PCP4: variants seen among roughly 807,000 people sequenced by gnomAD.
PCP4 encodes the protein calmodulin regulator protein PCP4.
Under a neutral mutation model 10.0 loss-of-function variants are expected in PCP4, and 8 were observed. The ratio of observed to expected loss-of-function variants is 0.80; its 90% CI spans 0.47 to 1.45. The LOEUF (loss-of-function observed/expected upper bound fraction) is 1.45. Among genes scored for constraint, PCP4 ranks in the 40% most tolerant of loss-of-function variants. PCP4 has a pLI of 0.00. For synonymous variants in PCP4, 21 were observed against 23.0 expected (o/e 0.91, Z 0.24); for missense variants, 54 against 74.4 (o/e 0.73, Z 1.01).
chr21:39,871,032 C>G (rs1014843705), intron 1 of PCP4, among the ~76,000 whole-genome samples: 9 of 152,180 alleles, frequency 5.9e-5, no homozygotes, highest in Non-Finnish European at 1.0e-4. Flanking sequence ...AAACAGAATC[C>G]ATGTCGAACT....
chr21:39,896,607 C>A (rs754463240), intron 1 of PCP4, among the ~76,000 whole-genome samples: 4 of 152,140 alleles, frequency 2.6e-5, no homozygotes, highest in Admixed American at 6.6e-5. Context: ...AAGTGGGAAG[C>A]TTTACTTTGC....
chr21:39,894,746 T>C (rs756534527), intron 1 of PCP4, among the ~76,000 whole-genome samples: 6 of 152,208 alleles, frequency 3.9e-5, no homozygotes, highest in Non-Finnish European at 5.9e-5. Flanking sequence ...TAAATAATAC[T>C]TTTGAACTAT....
At chr21:39,924,993 T>A (rs1037337115) in intron 2 of PCP4, among the ~76,000 whole-genome samples, 1 of 152,196 alleles carries the variant, frequency 6.6e-6, no homozygotes, top group Non-Finnish European at 1.5e-5. Flanking sequence ...GGTACACCTG[T>A]GCCTTCCTCT....
intron 2 of PCP4, among the ~76,000 whole-genome samples, chr21:39,921,143 A>T (rs2299792): frequency 0.88 from 133,707 of 152,244 alleles, 58,956 homozygotes; most frequent in Middle Eastern, 0.95. Flanking sequence ...TCCCCCAGAC[A>T]GCCTGGTAAA....
rs117170000 is a variant in PCP4 at position 39,913,613 on chromosome 21, G to A, written c.61+15086G>A. Among the ~76,000 whole-genome samples the A allele has an allele frequency of 9.6e-3, 1,468 of 152,244 alleles. 8 individuals carry two copies. Among genetic ancestry groups the A allele is most frequent in the Middle Eastern group, 0.024 (7 of 294 alleles). ...GCGTGAAAAGTGTAGAGCATGAAAC[G>A]AAACACAGGACCCATGACTGAATGG... On this transcript the variant is annotated intron_variant, in intron 2 of 2. Transcript: ENST00000328619.
intron 1 of PCP4, among the ~76,000 whole-genome samples, chr21:39,881,377 A>G (rs1308892871): frequency 6.6e-6 from 1 of 152,218 alleles, no homozygotes; most frequent in Non-Finnish European, 1.5e-5. Context: ...ACAACAGGTC[A>G]TTGCGGGAAC....
chr21:39,886,244 A>G (rs1442757319), intron 1 of PCP4, among the ~76,000 whole-genome samples: 2 of 152,174 alleles, frequency 1.3e-5, no homozygotes, highest in African/African-American at 4.8e-5. Context: ...GCTCTGCCCA[A>G]TGTCAAGGAC....
chr21:39,876,465 T>G (rs547164477), intron 1 of PCP4, among the ~76,000 whole-genome samples: 26 of 152,338 alleles, frequency 1.7e-4, no homozygotes, highest in African/African-American at 6.0e-4. Context: ...TAAAAGCCAC[T>G]TACCTACTGT....
At position 39,881,969 on chromosome 21, in the gene PCP4, C is replaced by G. The variant is rs1226767089; in HGVS notation, c.9+14459C>G. Among the ~76,000 whole-genome samples the G allele has an allele frequency of 6.6e-5, 10 of 152,336 alleles. No homozygotes were observed. The South Asian group carries it at 1.0e-3, about 16-fold the overall frequency. On this transcript the variant is annotated intron_variant, in intron 1 of 2. Coordinates refer to ENST00000328619, the MANE Select transcript of PCP4 (RefSeq NM_006198.3). ...CATAATCCTAAGCCTCTCTGTGTCT[C>G]AAGTTTTCTCTCCATCCAGTCGGGA...
chr21:39,904,116 A>G (rs1034584923), intron 2 of PCP4, among the ~76,000 whole-genome samples: 5 of 152,188 alleles, frequency 3.3e-5, no homozygotes, highest in Non-Finnish European at 7.3e-5. Flanking sequence ...AGAGGTCCCA[A>G]GAAGGACTTG....
chr21:39,882,614 A>G (rs777643566), intron 1 of PCP4, among the ~76,000 whole-genome samples: 1 of 152,210 alleles, frequency 6.6e-6, no homozygotes, highest in African/African-American at 2.4e-5. Flanking sequence ...GAAGAACCAC[A>G]TCATCCTCGG....
At chr21:39,922,717 T>G (rs1352297966) in intron 2 of PCP4, among the ~76,000 whole-genome samples, 1 of 152,178 alleles carries the variant, frequency 6.6e-6, no homozygotes, top group East Asian at 1.9e-4. Context: ...CTACACTGTT[T>G]GTTGAGAAAG....
Position 39,891,905 on chromosome 21 carries a change from G to A in PCP4, c.10-6571G>A, listed in dbSNP as rs577598527. ...AACTTCAAAGAGGAACCAGGAGTAC[G>A]GGAGGAGCATGAAAGTGGACAAGGA... On this transcript the variant is annotated intron_variant, in intron 1 of 2. Coordinates refer to ENST00000328619, the MANE Select transcript of PCP4 (RefSeq NM_006198.3). Among the ~76,000 whole-genome samples, 8 of 152,330 alleles carry A rather than the reference G, an allele frequency of 5.3e-5. No homozygotes were observed. The South Asian group carries it at 1.0e-3, about 20-fold the overall frequency.
intron 1 of PCP4, among the ~76,000 whole-genome samples, chr21:39,875,224 T>G (rs1296828791): frequency 6.6e-6 from 1 of 151,306 alleles, no homozygotes; most frequent in East Asian, 2.0e-4. Context: ...CTAATTGTAT[T>G]TAGGGTTTTC....
chr21:39,911,108 C>T (rs900789525), intron 2 of PCP4, among the ~76,000 whole-genome samples: 4 of 151,796 alleles, frequency 2.6e-5, no homozygotes, highest in African/African-American at 7.3e-5. Context: ...AAGGGGATAT[C>T]GCACATGAGT....
At chr21:39,910,753 GT>G (rs1233276086) in intron 2 of PCP4, among the ~76,000 whole-genome samples, 4 of 152,252 alleles carry the variant, frequency 2.6e-5, no homozygotes, top group South Asian at 2.1e-4. Flanking sequence ...TTTGCTGACT[GT>G]TTTTAGGGTC....
At chr21:39,916,663 T>C (rs2087569935) in intron 2 of PCP4, among the ~76,000 whole-genome samples, 1 of 152,222 alleles carries the variant, frequency 6.6e-6, no homozygotes, top group East Asian at 1.9e-4. Context: ...CACAAGCGTG[T>C]ATATGTTCAT....
chr21:39,922,038 G>A (rs978805830), intron 2 of PCP4, among the ~76,000 whole-genome samples: 1 of 152,118 alleles, frequency 6.6e-6, no homozygotes, highest in African/African-American at 2.4e-5. Context: ...AAAAAATAGA[G>A]ACAGGATCTC....
At chr21:39,878,092 G>A (rs1380260353) in intron 1 of PCP4, among the ~76,000 whole-genome samples, 1 of 152,060 alleles carries the variant, frequency 6.6e-6, no homozygotes, top group East Asian at 1.9e-4. Context: ...TCAATAAGAC[G>A]TGGTCCTTAC....
Sources: gnomAD v4.1 joint callset for allele counts (sites outside exome capture counted in the v4.1 genomes callset) on GRCh38, gnomAD v4.1.1 for gene constraint, MANE v1.5 for transcripts, NCBI Gene and HGNC (gene_info 2026-07-23, HGNC 2026-07-21) for gene names.